Variants in VEGFC observed in about 807,000 individuals in gnomAD.
VEGFC encodes the protein vascular endothelial growth factor C, also known as FLT4 ligand DHM.
A neutral mutation model predicts 46.1 loss-of-function variants in VEGFC; 12 were observed. The observed-to-expected ratio is 0.26, with a 90% CI of 0.17 to 0.42. The LOEUF is 0.42. VEGFC is among the 10% of genes least tolerant of loss of function. The probability of loss-of-function intolerance (pLI) is 1.00; values close to 1 mark genes in which losing one functional copy is unlikely to be tolerated. For synonymous variants in VEGFC, 232 were observed against 195.5 expected, an observed-to-expected ratio of 1.19 and a Z score of -1.56; for missense variants, 488 against 529.4, an observed-to-expected ratio of 0.92 and a Z score of 0.77.
At chr4:176,745,501 C>T (rs1279282815) in intron 1 of VEGFC, among the ~76,000 whole-genome samples, 1 of 152,032 alleles carries the variant, frequency 6.6e-6, no homozygotes, top group Non-Finnish European at 1.5e-5. Context: ...GTTCCAGGAA[C>T]TGTCACTAGA....
chr4:176,692,791 G>C (rs1487647083), intron 4 of VEGFC, among the ~76,000 whole-genome samples: 1 of 147,086 alleles, frequency 6.8e-6, no homozygotes, highest in Non-Finnish European at 1.5e-5. Flanking sequence ...AGAACGGGCA[G>C]ACTGCTTCCT....
chr4:176,760,207 T>C (rs936579246), intron 1 of VEGFC, among the ~76,000 whole-genome samples: 1 of 152,164 alleles, frequency 6.6e-6, no homozygotes, highest in African/African-American at 2.4e-5. Flanking sequence ...TAAGTTTTAA[T>C]GGTGATAGTA....
At chr4:176,716,120 A>C (rs1734694109) in intron 3 of VEGFC, among the ~76,000 whole-genome samples, 1 of 152,140 alleles carries the variant, frequency 6.6e-6, no homozygotes, top group African/African-American at 2.4e-5. Flanking sequence ...ATTTAGTTAA[A>C]TTTTTGTTAA....
At chr4:176,790,695 A>G (rs1736075541) in intron 1 of VEGFC, among the ~76,000 whole-genome samples, 1 of 152,198 alleles carries the variant, frequency 6.6e-6, no homozygotes, top group South Asian at 2.1e-4. Flanking sequence ...CAATACAGAG[A>G]TGTTGCCTTA....
intron 1 of VEGFC, among the ~76,000 whole-genome samples, chr4:176,769,414 A>G (rs1165675275): frequency 1.3e-5 from 2 of 152,302 alleles, no homozygotes; most frequent in Admixed American, 6.5e-5. Flanking sequence ...CCATCACAGA[A>G]AAGCTCACAG....
chr4:176,728,012 A>G, intron 2 of VEGFC, 44 bp from the exon 3 acceptor site: 1 of 1,485,356 alleles, frequency 6.7e-7, no homozygotes, highest in Non-Finnish European at 9.0e-7. Context: ...GGAAACCACC[A>G]AGATAAAAAA....
intron 1 of VEGFC, among the ~76,000 whole-genome samples, chr4:176,748,000 T>C (rs978519507): frequency 6.6e-6 from 1 of 151,794 alleles, no homozygotes; most frequent in Non-Finnish European, 1.5e-5. Context: ...TTAAACAAAT[T>C]TTTAGAACAA....
At chr4:176,703,842 T>C (rs549835441) in intron 4 of VEGFC, among the ~76,000 whole-genome samples, 2 of 152,254 alleles carry the variant, frequency 1.3e-5, no homozygotes, top group Admixed American at 6.5e-5. Flanking sequence ...TTTGAATCTC[T>C]GCTTTGCTAC....
intron 1 of VEGFC, among the ~76,000 whole-genome samples, chr4:176,756,743 C>T (rs1735439200): frequency 6.6e-6 from 1 of 151,772 alleles, no homozygotes; most frequent in South Asian, 2.1e-4. Context: ...TGAAACACAC[C>T]CTGATTTCAA....
chr4:176,712,943 A>G (rs1340198254), intron 3 of VEGFC, among the ~76,000 whole-genome samples: 1 of 152,194 alleles, frequency 6.6e-6, no homozygotes, highest in Non-Finnish European at 1.5e-5. Flanking sequence ...GGTGGCTTTT[A>G]TTAGCTCTCC....
At chr4:176,699,609 A>G (rs759042287) in intron 4 of VEGFC, among the ~76,000 whole-genome samples, 2 of 152,170 alleles carry the variant, frequency 1.3e-5, no homozygotes, top group African/African-American at 4.8e-5. Context: ...TTTTGTCCCA[A>G]ATATCTTTGA....
intron 1 of VEGFC, among the ~76,000 whole-genome samples, chr4:176,751,741 A>AT (rs1242942857): frequency 1.3e-5 from 2 of 152,000 alleles, no homozygotes; most frequent in African/African-American, 4.8e-5. Context: ...GTAAAAAAAA[A>AT]GCATAAAAAT....
chr4:176,721,798 A>G lies in VEGFC; in HGVS notation c.552+5980T>C, dbSNP rs575561567. ...TGAGACAGACTGACCTGTCTGAGGGACAGCCAAGTCACAAGGTTGAGTGGA... is the reference window on the plus strand; with the variant it reads ...TGAGACAGACTGACCTGTCTGAGGGGCAGCCAAGTCACAAGGTTGAGTGGA... On this transcript the variant is annotated intron_variant, in intron 3 of 6. Transcript: ENST00000618562. 5.3e-5 allele frequency among the ~76,000 whole-genome samples: 8 copies of G among 152,300 alleles called. 1 individual carries two copies. In the South Asian group the frequency reaches 1.5e-3, roughly 28 times the overall value.
chr4:176,729,159 C>T (rs1392435035), intron 2 of VEGFC, among the ~76,000 whole-genome samples: 1 of 152,154 alleles, frequency 6.6e-6, no homozygotes, highest in Non-Finnish European at 1.5e-5. Context: ...TCAAATGAAG[C>T]ATTTCTCAAT....
chr4:176,765,850 G>T (rs79507879), intron 1 of VEGFC, among the ~76,000 whole-genome samples: 7,894 of 152,020 alleles, frequency 0.052, 631 homozygotes, highest in African/African-American at 0.18. Context: ...ACCGTGCCCG[G>T]CCCCAAAGAC....
At chr4:176,755,646 T>C (rs1414522089) in intron 1 of VEGFC, among the ~76,000 whole-genome samples, 1 of 152,016 alleles carries the variant, frequency 6.6e-6, no homozygotes, top group African/African-American at 2.4e-5. Flanking sequence ...CTCAGAAATA[T>C]TTGCAGATAA....
At chr4:176,712,938 C>T (rs1303466366) in intron 3 of VEGFC, among the ~76,000 whole-genome samples, 1 of 152,102 alleles carries the variant, frequency 6.6e-6, no homozygotes, top group Non-Finnish European at 1.5e-5. Flanking sequence ...AGACAGGTGG[C>T]TTTTATTAGC....
intron 4 of VEGFC, among the ~76,000 whole-genome samples, chr4:176,704,146 C>T (rs1030042994): frequency 2.6e-5 from 4 of 152,116 alleles, no homozygotes; most frequent in African/African-American, 9.7e-5. Flanking sequence ...GTCTCTCTCT[C>T]TGTTGTTATT....
intron 1 of VEGFC, among the ~76,000 whole-genome samples, chr4:176,783,697 C>A (rs1365655388): frequency 6.6e-6 from 1 of 152,120 alleles, no homozygotes; most frequent in African/African-American, 2.4e-5. Flanking sequence ...GAGGAACAAA[C>A]CCCGGCACCC....
Sources: gnomAD v4.1 joint callset for allele counts (sites outside exome capture counted in the v4.1 genomes callset) on GRCh38, gnomAD v4.1.1 for gene constraint, MANE v1.5 for transcripts, NCBI Gene and HGNC (gene_info 2026-07-23, HGNC 2026-07-21) for gene names.